AADACL4: variants seen among roughly 807,000 people sequenced by gnomAD.
AADACL4 encodes the protein arylacetamide deacetylase-like 4.
In AADACL4, 9 loss-of-function variants were observed where a neutral mutation model predicts 14.1. That is an observed-to-expected ratio of 0.64 (90% CI 0.39 to 1.12). The LOEUF is 1.12. AADACL4 is among the 50% of genes most tolerant of loss of function. AADACL4 has a pLI of 0.01. For synonymous variants in AADACL4, 188 were observed against 201.6 expected, an observed-to-expected ratio of 0.93 and a Z score of 0.57; for missense variants, 531 against 516.1, an observed-to-expected ratio of 1.03 and a Z score of -0.28.
At chr1:12,651,832 T>C (rs1261047381) in intron 2 of AADACL4, among the ~76,000 whole-genome samples, 1 of 148,964 alleles carries the variant, frequency 6.7e-6, no homozygotes, top group Non-Finnish European at 1.5e-5. Flanking sequence ...AGGAGGATTT[T>C]TTTTTTTTTT....
At chr1:12,647,776 G>A (rs762004487) in intron 1 of AADACL4, among the ~76,000 whole-genome samples, 12 of 151,422 alleles carry the variant, frequency 7.9e-5, no homozygotes, top group African/African-American at 1.2e-4. Context: ...CCACTTCAGC[G>A]TCCTGAGTAG....
intron 2 of AADACL4, among the ~76,000 whole-genome samples, chr1:12,653,627 T>C (rs1387238716): frequency 1.3e-5 from 2 of 152,184 alleles, no homozygotes; most frequent in Non-Finnish European, 2.9e-5. Flanking sequence ...GGCTTAGTAA[T>C]GAGCGCAAAT....
intron 2 of AADACL4, among the ~76,000 whole-genome samples, chr1:12,658,711 G>A (rs1183348565): frequency 9.9e-6 from 1 of 101,304 alleles, no homozygotes; most frequent in African/African-American, 4.1e-5. Flanking sequence ...TGCCCCCCGT[G>A]TACACCCCGT....
At chr1:12,665,673 C>T (rs544940678) in intron 3 of AADACL4, among the ~76,000 whole-genome samples, 15 of 152,274 alleles carry the variant, frequency 9.9e-5, no homozygotes, top group African/African-American at 3.4e-4. Flanking sequence ...GGTTGTTTTG[C>T]TCCCAAAGCA....
At chr1:12,655,926 G>C (rs983154472) in intron 2 of AADACL4, among the ~76,000 whole-genome samples, 1 of 152,036 alleles carries the variant, frequency 6.6e-6, no homozygotes, top group Non-Finnish European at 1.5e-5. Flanking sequence ...TTTCTCCTGA[G>C]ATTTACAAAA....
intron 3 of AADACL4, 103 bp from the exon 4 acceptor site, chr1:12,665,858 T>C: frequency 8.0e-7 from 1 of 1,251,724 alleles, no homozygotes; most frequent in Non-Finnish European, 1.1e-6. Flanking sequence ...TTCTGAGGAT[T>C]TAATCAGATA....
rs552040789 is a variant in AADACL4 at position 12,663,509 on chromosome 1, A to G, written c.449+1655A>G. Among the ~76,000 whole-genome samples, 15 of 152,188 alleles carry G rather than the reference A, an allele frequency of 9.9e-5. No individual in the cohort carries two copies. In the East Asian group the frequency reaches 2.5e-3, roughly 26 times the overall value. ...ACCCTCATGACCTGATCACTTTCCT[A>G]AGGCCCCACTTCCTAATACCCTTGC... is the stretch of plus-strand genomic sequence containing the variant. On this transcript the variant is annotated intron_variant, in intron 3 of 3. Transcript: ENST00000376221.
At chr1:12,646,126 A>T (rs555761171) in intron 1 of AADACL4, among the ~76,000 whole-genome samples, 8 of 152,268 alleles carry the variant, frequency 5.3e-5, no homozygotes, top group African/African-American at 1.9e-4. Flanking sequence ...GACCTTATAG[A>T]AGCCAAACAG....
intron 3 of AADACL4, among the ~76,000 whole-genome samples, chr1:12,665,730 C>T (rs1159403327): frequency 2.6e-5 from 4 of 152,144 alleles, no homozygotes; most frequent in Non-Finnish European, 5.9e-5. Flanking sequence ...ATAGAGTTTA[C>T]GGGAAGCTGA....
chr1:12,665,105 G>A (rs146253302), intron 3 of AADACL4, among the ~76,000 whole-genome samples: 195 of 152,294 alleles, frequency 1.3e-3, no homozygotes, highest in African/African-American at 4.3e-3. Flanking sequence ...ACAGCTCACT[G>A]CAGCCTCAAC....
At position 12,666,903 on chromosome 1, in the gene AADACL4, C is replaced by T. The variant is rs1647354428; in HGVS notation, c.*168C>T. 2 of 635,390 alleles carry T rather than the reference C, an allele frequency of 3.1e-6. No individual in the cohort carries two copies. The highest frequency in any genetic ancestry group is 3.4e-5 in the Admixed American group (1 of 29,458). The allele number at this position is 635,390 out of a possible 1,614,324, so 39.4% of individuals were successfully genotyped here. On this transcript the variant is annotated 3_prime_UTR_variant, in exon 4 of 4. Transcript: ENST00000376221. The stretch of plus-strand genomic sequence containing the variant: ...AGTCTTGCTTAGTATTCAAGAAAAT[C>T]CAAACTGTGTCTGTTTCCTTCCAGC...
intron 2 of AADACL4, among the ~76,000 whole-genome samples, chr1:12,652,213 C>T (rs1315533250): frequency 6.6e-6 from 1 of 152,170 alleles, no homozygotes; most frequent in Non-Finnish European, 1.5e-5. Flanking sequence ...CCAGACTCCT[C>T]CCACAGCCTC....
chr1:12,661,801 T>C lies in AADACL4; in HGVS notation c.396T>C (p.His132=), dbSNP rs1647233166. Residue 132 remains histidine, a synonymous_variant, in exon 3 of 4, where the codon CAT becomes CAC. Coordinates refer to ENST00000376221, the MANE Select transcript of AADACL4 (RefSeq NM_001013630.2). ...GTTTTTGTCTTGCAGATTGTTACCA[T>C]GGCCTGTGCAATTATCTGGCCCGGG... ...ATVFGSLDCY[H]GLCNYLARET... is the part of the protein sequence containing the mutation. The C allele has an allele frequency of 6.2e-7, 1 of 1,614,028 alleles. No homozygotes were observed. Among genetic ancestry groups the C allele is most frequent in the Admixed American group, 1.7e-5 (1 of 60,002 alleles).
At chr1:12,661,737 A>G (rs1053585592) in intron 2 of AADACL4, 54 bp from the exon 3 acceptor site, 1 of 1,553,390 alleles carries the variant, frequency 6.4e-7, no homozygotes, top group African/African-American at 1.4e-5. Flanking sequence ...GGCTGTGGTG[A>G]GATGGTTTGG....
intron 2 of AADACL4, among the ~76,000 whole-genome samples, chr1:12,658,131 C>CTTTCTTTCTTTCTTTCTTT (rs1182585504): frequency 8.3e-6 from 1 of 119,964 alleles, no homozygotes; most frequent in African/African-American, 5.0e-5. Context: ...TTCCTTCCTT[C>CTTTCTTTCTTTCTTTCTTT]CTTCCTTCCT....
At chr1:12,650,991 A>C (rs1647141740) in intron 1 of AADACL4, 132 bp from the exon 2 acceptor site, 1 of 845,594 alleles carries the variant, frequency 1.2e-6, no homozygotes, top group Non-Finnish European at 1.9e-6. Flanking sequence ...TGGATTCCTG[A>C]AGAGCCCCCT....
In AADACL4 at chr1:12,666,684, A is replaced by G. The variant is rs532350034; in HGVS notation, c.1173A>G (p.Pro391=). ...TTGATAAGAAGGCTCTCTCTTTCCC[A>G]TGTTCCCTGAAGATTGTGAATGCTG... ...IFFDKKALSF[P]CSLKIVNAVV... The change falls in exon 4 of 4, where the codon CCA becomes CCG. Residue 391 remains proline, a synonymous_variant. Coordinates refer to ENST00000376221, the MANE Select transcript of AADACL4 (RefSeq NM_001013630.2). The G allele has an allele frequency of 1.9e-6, 3 of 1,613,678 alleles. No individual in the cohort carries two copies. In the Admixed American group the frequency reaches 5.0e-5, roughly 27 times the overall value.
At chr1:12,655,271 C>T (rs1367661164) in intron 2 of AADACL4, among the ~76,000 whole-genome samples, 2 of 152,058 alleles carry the variant, frequency 1.3e-5, no homozygotes, top group Non-Finnish European at 2.9e-5. Context: ...CCCAGGGTGG[C>T]TGTTTAGGAG....
chr1:12,659,162 C>T (rs1647207407), intron 2 of AADACL4, among the ~76,000 whole-genome samples: 1 of 152,142 alleles, frequency 6.6e-6, no homozygotes. Flanking sequence ...GTACTGCCAC[C>T]TGGTGGTGGG....
Sources: allele counts gnomAD v4.1 joint callset (sites outside exome capture counted in the v4.1 genomes callset), GRCh38; gene constraint gnomAD v4.1.1; transcripts MANE v1.5; gene names NCBI Gene and HGNC (gene_info 2026-07-23, HGNC 2026-07-21).